ALK: variants seen among roughly 807,000 people sequenced by gnomAD.
ALK encodes ALK tyrosine kinase receptor.
Under a neutral mutation model 163.1 loss-of-function variants are expected in ALK, and 74 were observed. The ratio of observed to expected loss-of-function variants is 0.45; its 90% confidence interval spans 0.38 to 0.55. The LOEUF is 0.55. Ranked by LOEUF, ALK falls within the 20% of genes least tolerant of loss-of-function variation. The pLI is 0.00. For missense variants in ALK, 2,063 were observed against 2,105.3 expected (o/e 0.98, Z 0.39); for synonymous variants, 960 against 843.2 (o/e 1.14, Z -2.40).
At chr2:29,375,895 T>G (rs915603422) in intron 5 of ALK, among the ~76,000 whole-genome samples, 2 of 152,120 alleles carry the variant, frequency 1.3e-5, no homozygotes, top group Non-Finnish European at 2.9e-5. Flanking sequence ...GACAAGCACC[T>G]CATCCTAAAG....
chr2:29,350,672 C>A (rs1206347378), intron 5 of ALK, among the ~76,000 whole-genome samples: 1 of 152,214 alleles, frequency 6.6e-6, no homozygotes, highest in African/African-American at 2.4e-5. Flanking sequence ...ATTTACGGAG[C>A]ACCTGCTCAC....
At chr2:29,613,983 C>T (rs1675768549) in intron 3 of ALK, among the ~76,000 whole-genome samples, 1 of 152,118 alleles carries the variant, frequency 6.6e-6, no homozygotes, top group South Asian at 2.1e-4. Context: ...CCCAAGCCAT[C>T]GTCTCTCATC....
chr2:29,473,753 G>A (rs989669951), intron 4 of ALK, among the ~76,000 whole-genome samples: 1 of 152,114 alleles, frequency 6.6e-6, no homozygotes, highest in Non-Finnish European at 1.5e-5. Flanking sequence ...CTACTCAGGA[G>A]GCTGAGGCAG....
At chr2:29,231,970 T>G (rs1459712314) in intron 15 of ALK, among the ~76,000 whole-genome samples, 1 of 152,110 alleles carries the variant, frequency 6.6e-6, no homozygotes, top group Non-Finnish European at 1.5e-5. Flanking sequence ...CCTGCTCATA[T>G]CCTAACTGGG....
chr2:29,568,416 A>G (rs1038765248), intron 3 of ALK, among the ~76,000 whole-genome samples: 14 of 152,190 alleles, frequency 9.2e-5, no homozygotes, highest in African/African-American at 3.1e-4. Flanking sequence ...CACTGCCGAA[A>G]TCTAGCTAGG....
intron 12 of ALK, among the ~76,000 whole-genome samples, chr2:29,245,972 C>CCAT (rs202174737): frequency 0.012 from 1,809 of 152,344 alleles, 18 homozygotes; most frequent in African/African-American, 0.019. Flanking sequence ...TTGACAGAGA[C>CCAT]CATCAGGAAC....
intron 11 of ALK, among the ~76,000 whole-genome samples, chr2:29,272,008 A>T (rs1276937961): frequency 6.6e-6 from 1 of 152,164 alleles, no homozygotes; most frequent in Non-Finnish European, 1.5e-5. Context: ...AGGTTGAGGA[A>T]GGGTCCTTGG....
chr2:29,548,050 G>A (rs536608888), intron 3 of ALK, among the ~76,000 whole-genome samples: 30 of 152,318 alleles, frequency 2.0e-4, no homozygotes, highest in Non-Finnish European at 3.8e-4. Context: ...GGGGAACTGT[G>A]GGGAAAGTTT....
rs563230374 is a variant in ALK, at chr2:29,797,158, T to A, written c.668-79461A>T. Reference sequence around the variant, plus strand: ...ACCTTTCTTTAGATTGCCATCATTTTAAAAAAATTAAAAACAAATGAAGTT... The same window carrying A: ...ACCTTTCTTTAGATTGCCATCATTTAAAAAAAATTAAAAACAAATGAAGTT... On this transcript the variant is annotated intron_variant, in intron 1 of 28. Transcript: ENST00000389048. Among the ~76,000 whole-genome samples the A allele has an allele frequency of 5.3e-5, 8 of 152,212 alleles. No individual in the cohort carries two copies. The East Asian group carries it at 9.7e-4, about 18-fold the overall frequency.
chr2:29,255,354 G>GGGACC (rs1664924474), intron 11 of ALK, among the ~76,000 whole-genome samples: 1 of 152,178 alleles, frequency 6.6e-6, no homozygotes, highest in Non-Finnish European at 1.5e-5. Context: ...TGAATTCAGT[G>GGGACC]TTTTCCAAAC....
Position 29,883,784 on chromosome 2 carries a change from T to A in ALK, c.667+36209A>T, listed in dbSNP as rs146210760. 3.3e-5 allele frequency among the ~76,000 whole-genome samples: 5 copies of A among 152,288 alleles called. No homozygotes were observed. In the East Asian group the frequency reaches 9.6e-4, roughly 29 times the overall value. On this transcript the variant is annotated intron_variant, in intron 1 of 28. Coordinates refer to ENST00000389048, the MANE Select transcript of ALK (RefSeq NM_004304.5). ...CCACTTACATGTGAATTTTTTTCAA[T>A]AAATATATTGGAAAATTTTTTGGAG...
intron 1 of ALK, among the ~76,000 whole-genome samples, chr2:29,865,663 C>T (rs561833412): frequency 1.3e-5 from 2 of 152,098 alleles, no homozygotes; most frequent in East Asian, 1.9e-4. Flanking sequence ...CAGGGGTATG[C>T]GGTTGGGGAT....
intron 1 of ALK, among the ~76,000 whole-genome samples, chr2:29,824,089 G>T (rs750309728): frequency 1.3e-5 from 2 of 152,218 alleles, no homozygotes; most frequent in Non-Finnish European, 2.9e-5. Context: ...AGGAGCCAAG[G>T]TATAGCTTGG....
chr2:29,475,352 AC>A (rs1337480823), intron 4 of ALK, among the ~76,000 whole-genome samples: 1 of 152,166 alleles, frequency 6.6e-6, no homozygotes, highest in East Asian at 1.9e-4. Flanking sequence ...TAACACAGTT[AC>A]CATCTGACTG....
chr2:29,812,230 G>T (rs1664776771), intron 1 of ALK, among the ~76,000 whole-genome samples: 1 of 152,200 alleles, frequency 6.6e-6, no homozygotes, highest in African/African-American at 2.4e-5. Context: ...ATCTAAGCCT[G>T]CCGGGGTGGG....
intron 5 of ALK, among the ~76,000 whole-genome samples, chr2:29,338,173 A>C (rs1456650958): frequency 1.3e-5 from 2 of 152,352 alleles, no homozygotes; most frequent in East Asian, 3.9e-4. Context: ...CATGTCACAC[A>C]GTAGAGATAA....
At chr2:29,795,335 G>A (rs527357400) in intron 1 of ALK, among the ~76,000 whole-genome samples, 3 of 152,260 alleles carry the variant, frequency 2.0e-5, no homozygotes, top group Middle Eastern at 3.4e-3. Flanking sequence ...CAAGTGTTGC[G>A]TGAGATAAGC....
At chr2:29,883,236 A>T (rs750908397) in intron 1 of ALK, among the ~76,000 whole-genome samples, 1 of 152,220 alleles carries the variant, frequency 6.6e-6, no homozygotes, top group Non-Finnish European at 1.5e-5. Context: ...AGGTCAAAAC[A>T]ATGGTTATCC....
intron 5 of ALK, among the ~76,000 whole-genome samples, chr2:29,374,238 T>A (rs1573293583): frequency 2.0e-5 from 3 of 152,188 alleles, no homozygotes; most frequent in Admixed American, 2.0e-4. Flanking sequence ...CAACATCTGT[T>A]TTAATTTCCC....
Sources: allele counts gnomAD v4.1 joint callset (sites outside exome capture counted in the v4.1 genomes callset), GRCh38; gene constraint gnomAD v4.1.1; transcripts MANE v1.5; gene names NCBI Gene and HGNC (gene_info 2026-07-23, HGNC 2026-07-21).